Variants in GALNTL6 observed in about 807,000 individuals in gnomAD.
GALNTL6 encodes the protein polypeptide N-acetylgalactosaminyltransferase like 6.
Under a neutral mutation model 73.7 loss-of-function variants are expected in GALNTL6, and 46 were observed. The ratio of observed to expected loss-of-function variants is 0.62; its 90% CI spans 0.49 to 0.80. The LOEUF is 0.80. Ranked by LOEUF, GALNTL6 falls within the 30% of genes least tolerant of loss-of-function variation. The pLI, the probability that GALNTL6 is intolerant of heterozygous loss-of-function variation, is 0.00. For missense variants in GALNTL6, 604 were observed against 755.0 expected, an observed-to-expected ratio of 0.80 and a Z score of 2.34; for synonymous variants, 259 against 263.7, an observed-to-expected ratio of 0.98 and a Z score of 0.17.
At chr4:172,378,271 A>G (rs773341711) in intron 5 of GALNTL6, among the ~76,000 whole-genome samples, 2 of 152,208 alleles carry the variant, frequency 1.3e-5, no homozygotes, top group Non-Finnish European at 2.9e-5. Flanking sequence ...ATCCTCAGGA[A>G]TAGACCCTGA....
chr4:172,544,140 T>C (rs1439688672), intron 5 of GALNTL6, among the ~76,000 whole-genome samples: 1 of 152,154 alleles, frequency 6.6e-6, no homozygotes, highest in Admixed American at 6.5e-5. Context: ...GCCACTTGGC[T>C]CACAGGACCA....
chr4:172,325,711 G>GA (rs1740918735), intron 4 of GALNTL6, among the ~76,000 whole-genome samples: 1 of 151,672 alleles, frequency 6.6e-6, no homozygotes, highest in South Asian at 2.1e-4. Flanking sequence ...AAATACACTG[G>GA]AAAAATGAAG....
chr4:172,436,692 A>G (rs764647663), intron 5 of GALNTL6, among the ~76,000 whole-genome samples: 24 of 152,130 alleles, frequency 1.6e-4, no homozygotes, highest in Non-Finnish European at 2.2e-4. Flanking sequence ...TCAAGAGGCC[A>G]TAAGGAACAG....
intron 2 of GALNTL6, among the ~76,000 whole-genome samples, chr4:171,845,906 C>T (rs1204602009): frequency 2.6e-5 from 4 of 152,146 alleles, no homozygotes; most frequent in Non-Finnish European, 4.4e-5. Context: ...TGAACATACT[C>T]ATCATCACAG....
At chr4:172,417,897 G>A (rs996249792) in intron 5 of GALNTL6, among the ~76,000 whole-genome samples, 1 of 152,188 alleles carries the variant, frequency 6.6e-6, no homozygotes, top group Non-Finnish European at 1.5e-5. Context: ...CACTGCTGCA[G>A]TTAAGTATGA....
chr4:172,377,996 C>T lies in GALNTL6; in HGVS notation c.553+29307C>T, dbSNP rs558577986. Among the ~76,000 whole-genome samples, 11 of 152,046 alleles carry T rather than the reference C, an allele frequency of 7.2e-5. No individual in the cohort carries two copies. The South Asian group carries it at 1.2e-3, about 17-fold the overall frequency. ...CCAGAGAGGGGCTTCCACAGTGCAG[C>T]GGCAGGCTGAAGGGCTCCTCAAGCA... On this transcript the variant is annotated intron_variant, in intron 5 of 12. Coordinates refer to ENST00000506823, the MANE Select transcript of GALNTL6 (RefSeq NM_001034845.3).
intron 5 of GALNTL6, among the ~76,000 whole-genome samples, chr4:172,590,986 A>G (rs1309812823): frequency 6.6e-6 from 1 of 152,174 alleles, no homozygotes; most frequent in African/African-American, 2.4e-5. Context: ...GTACTTTGCA[A>G]ATAGTCAGCT....
chr4:172,745,396 G>T (rs1026372181), intron 5 of GALNTL6, among the ~76,000 whole-genome samples: 3 of 148,074 alleles, frequency 2.0e-5, no homozygotes, highest in African/African-American at 7.7e-5. Flanking sequence ...AGGTGAAATT[G>T]TAGAGATTAA....
intron 3 of GALNTL6, among the ~76,000 whole-genome samples, chr4:172,236,411 T>A (rs1036130576): frequency 6.6e-6 from 1 of 151,886 alleles, no homozygotes; most frequent in Non-Finnish European, 1.5e-5. Context: ...TGTAAAAAAA[T>A]TAGCCAGGCA....
intron 8 of GALNTL6, among the ~76,000 whole-genome samples, chr4:172,907,728 A>G (rs1294968441): frequency 2.0e-5 from 3 of 152,222 alleles, no homozygotes; most frequent in Admixed American, 1.3e-4. Flanking sequence ...AGCACTTAAC[A>G]TGCACTGTAG....
At chr4:172,962,723 G>C (rs1750140336) in intron 10 of GALNTL6, among the ~76,000 whole-genome samples, 1 of 152,090 alleles carries the variant, frequency 6.6e-6, no homozygotes, top group Non-Finnish European at 1.5e-5. Context: ...CCACCTGCTT[G>C]TCTGCGCCAG....
chr4:172,906,417 G>A (rs569521080), intron 8 of GALNTL6, among the ~76,000 whole-genome samples: 1 of 152,178 alleles, frequency 6.6e-6, no homozygotes, highest in Admixed American at 6.5e-5. Flanking sequence ...AACACCTGAA[G>A]TGACTGTATT....
chr4:172,405,708 C>T (rs1487442678), intron 5 of GALNTL6, among the ~76,000 whole-genome samples: 2 of 151,696 alleles, frequency 1.3e-5, no homozygotes, highest in Non-Finnish European at 2.9e-5. Flanking sequence ...TATGCCATTT[C>T]CCTACCTTCA....
intron 2 of GALNTL6, among the ~76,000 whole-genome samples, chr4:171,966,241 T>C (rs1301817504): frequency 6.6e-6 from 1 of 152,190 alleles, no homozygotes; most frequent in Non-Finnish European, 1.5e-5. Flanking sequence ...TCTGAATTTA[T>C]AGCTGAATAG....
intron 5 of GALNTL6, among the ~76,000 whole-genome samples, chr4:172,389,370 G>A (rs1743583086): frequency 1.3e-5 from 2 of 152,160 alleles, no homozygotes; most frequent in South Asian, 4.1e-4. Context: ...ACTCAGTGGT[G>A]CATTTTAACA....
intron 7 of GALNTL6, among the ~76,000 whole-genome samples, chr4:172,878,685 G>C (rs192962726): frequency 6.6e-6 from 1 of 151,472 alleles, no homozygotes; most frequent in East Asian, 1.9e-4. Flanking sequence ...AAAAATATTC[G>C]GTTAATCAAA....
chr4:172,189,525 TG>T (rs1327983180), intron 2 of GALNTL6, among the ~76,000 whole-genome samples: 1 of 152,102 alleles, frequency 6.6e-6, no homozygotes, highest in Non-Finnish European at 1.5e-5. Flanking sequence ...CAAACAGTGA[TG>T]GGGTTACCTT....
At chr4:172,207,100 C>T (rs945430709) in intron 2 of GALNTL6, among the ~76,000 whole-genome samples, 1 of 151,686 alleles carries the variant, frequency 6.6e-6, no homozygotes, top group African/African-American at 2.4e-5. Flanking sequence ...TACAGGCCGC[C>T]GTGCCTGGCC....
chr4:172,936,138 A>G (rs1299839010), intron 9 of GALNTL6, among the ~76,000 whole-genome samples: 2 of 152,222 alleles, frequency 1.3e-5, no homozygotes, highest in Non-Finnish European at 2.9e-5. Context: ...ACGCAAATCA[A>G]TAAACATAAT....
Sources: gnomAD v4.1 joint callset for allele counts (sites outside exome capture counted in the v4.1 genomes callset) on GRCh38, gnomAD v4.1.1 for gene constraint, MANE v1.5 for transcripts, NCBI Gene and HGNC (gene_info 2026-07-23, HGNC 2026-07-21) for gene names.